GALNT18: variants seen among roughly 807,000 people sequenced by gnomAD.
GALNT18 encodes GalNAc-transferase 18.
A neutral mutation model predicts 69.5 loss-of-function variants in GALNT18; 44 were observed. The observed-to-expected ratio is 0.63, with a 90% CI of 0.50 to 0.81. GALNT18 has a LOEUF of 0.81. GALNT18 is among the 40% of genes least tolerant of loss of function. The pLI is 0.00. For missense variants in GALNT18, 715 were observed against 810.0 expected (o/e 0.88, Z 1.42); for synonymous variants, 364 against 318.2 (o/e 1.14, Z -1.53).
chr11:11,447,378 T>C (rs1026130967), intron 2 of GALNT18, among the ~76,000 whole-genome samples: 1 of 152,216 alleles, frequency 6.6e-6, no homozygotes, highest in African/African-American at 2.4e-5. Context: ...TATTTCTCCA[T>C]AGCACTCACC....
chr11:11,451,556 G>C (rs1389618099), intron 1 of GALNT18, among the ~76,000 whole-genome samples: 1 of 152,170 alleles, frequency 6.6e-6, no homozygotes, highest in Non-Finnish European at 1.5e-5. Flanking sequence ...CCTACAGCAG[G>C]AAAGGTGTAA....
At chr11:11,379,391 T>A in intron 3 of GALNT18, 127 bp from the exon 4 acceptor site, 1 of 848,464 alleles carries the variant, frequency 1.2e-6, no homozygotes, top group South Asian at 1.7e-5. Context: ...CCTCCCTGGG[T>A]CTTCTTCAGT....
chr11:11,580,419 T>C (rs1859048647), intron 1 of GALNT18, among the ~76,000 whole-genome samples: 1 of 152,198 alleles, frequency 6.6e-6, no homozygotes, highest in South Asian at 2.1e-4. Flanking sequence ...AGGCTTCTCA[T>C]GTTTCCCGGC....
chr11:11,352,129 G>C (rs1421510118), intron 6 of GALNT18: 2 of 1,613,558 alleles, frequency 1.2e-6, no homozygotes, highest in Admixed American at 1.7e-5. Context: ...ATTCGAGCCT[G>C]GTCCTTCACA....
intron 9 of GALNT18, among the ~76,000 whole-genome samples, chr11:11,297,480 G>A (rs1309276651): frequency 1.3e-5 from 2 of 152,164 alleles, no homozygotes. Flanking sequence ...AGAGCCATAT[G>A]TGCGACCACT....
intron 1 of GALNT18, among the ~76,000 whole-genome samples, chr11:11,514,081 G>C (rs1481500032): frequency 6.6e-6 from 1 of 152,182 alleles, no homozygotes; most frequent in African/African-American, 2.4e-5. Context: ...ACAGAGAAGG[G>C]GGCTTTCTAA....
intron 3 of GALNT18, among the ~76,000 whole-genome samples, chr11:11,417,606 G>C (rs10831610): frequency 0.28 from 42,510 of 152,126 alleles, 7,155 homozygotes; most frequent in East Asian, 0.66. Context: ...TGGAGACAGT[G>C]CTGGCTGCCC....
intron 1 of GALNT18, among the ~76,000 whole-genome samples, chr11:11,495,121 A>C (rs771170370): frequency 6.6e-6 from 1 of 152,174 alleles, no homozygotes; most frequent in Non-Finnish European, 1.5e-5. Context: ...ATTTGAAATC[A>C]GGCCAGCATT....
Position 11,582,299 on chromosome 11 carries a change from C to T in GALNT18, c.235+39060G>A, listed in dbSNP as rs1859105666. Reference sequence around the variant, plus strand: ...AGTGGAGGGAGAAAAGGGCAGGGAGCTGGGCATGGCCAGGAGGCAAAGGGC... The same window carrying T: ...AGTGGAGGGAGAAAAGGGCAGGGAGTTGGGCATGGCCAGGAGGCAAAGGGC... On this transcript the variant is annotated intron_variant, in intron 1 of 10. Coordinates refer to ENST00000227756, the MANE Select transcript of GALNT18 (RefSeq NM_198516.3). This position sits in a 1 kb window ranked among gnomAD's most constrained non-coding sequence, Gnocchi z 5.0. Among the ~76,000 whole-genome samples the T allele has an allele frequency of 1.3e-5, 2 of 152,186 alleles. No homozygotes were observed. The highest frequency in any genetic ancestry group is 2.1e-4 in the South Asian group (1 of 4,826).
At chr11:11,330,736 G>T (rs1850003760) in intron 8 of GALNT18, among the ~76,000 whole-genome samples, 1 of 152,238 alleles carries the variant, frequency 6.6e-6, no homozygotes, top group South Asian at 2.1e-4. Context: ...GGATGGCATG[G>T]AGGGCCTACA....
chr11:11,509,960 CTCTGAGAAGCCT>C (rs1414820806), intron 1 of GALNT18, among the ~76,000 whole-genome samples: 1 of 152,176 alleles, frequency 6.6e-6, no homozygotes, highest in Non-Finnish European at 1.5e-5. Flanking sequence ...TGGTCACATC[CTCTGAGAAGCCT>C]TCTGAGGGCA....
chr11:11,527,077 T>C (rs1239740612), intron 1 of GALNT18, among the ~76,000 whole-genome samples: 1 of 152,112 alleles, frequency 6.6e-6, no homozygotes, highest in Non-Finnish European at 1.5e-5. Context: ...GCCAATGACC[T>C]TGGCATTCCT....
rs1850144633 is a variant in GALNT18 at position 11,338,115 on chromosome 11, G to A, written c.1278+2704C>T. Among the ~76,000 whole-genome samples, 1 of 151,988 alleles carries A rather than the reference G, an allele frequency of 6.6e-6. No individual in the cohort carries two copies. The highest frequency in any genetic ancestry group is 1.5e-5 in the Non-Finnish European group (1 of 67,968). On this transcript the variant is annotated intron_variant, in intron 7 of 10. Coordinates refer to ENST00000227756, the MANE Select transcript of GALNT18 (RefSeq NM_198516.3). This position sits in a 1 kb window ranked among gnomAD's most constrained non-coding sequence, Gnocchi z 5.3. ...CCTGAGTAGCTGGGATTACAGGCATGTGCCACCAAGCCTGGCTAATTTTTG... is the reference window on the plus strand; with the variant it reads ...CCTGAGTAGCTGGGATTACAGGCATATGCCACCAAGCCTGGCTAATTTTTG...
In GALNT18 at chr11:11,617,989, C is replaced by T. The variant is rs147672244; in HGVS notation, c.235+3370G>A. Reference sequence around the variant, plus strand: ...AACGTCTATTTGGTCAAAAAACTTCCCAAAACTGCAATTTACATTCCCAAG... The same window carrying T: ...AACGTCTATTTGGTCAAAAAACTTCTCAAAACTGCAATTTACATTCCCAAG... On this transcript the variant is annotated intron_variant, in intron 1 of 10. Transcript: ENST00000227756. This position sits in a 1 kb window ranked among gnomAD's most constrained non-coding sequence, Gnocchi z 4.7. Among the ~76,000 whole-genome samples, 214 of 152,290 alleles carry T rather than the reference C, an allele frequency of 1.4e-3. 1 individual carries two copies. Among genetic ancestry groups the T allele is most frequent in the African/African-American group, 5.0e-3 (209 of 41,560 alleles).
At chr11:11,491,893 G>A (rs1856778122) in intron 1 of GALNT18, among the ~76,000 whole-genome samples, 2 of 152,084 alleles carry the variant, frequency 1.3e-5, no homozygotes, top group Non-Finnish European at 2.9e-5. Context: ...AGAGCCCAAG[G>A]AACAAAGAAA....
At chr11:11,482,690 A>G (rs1394056680) in intron 1 of GALNT18, among the ~76,000 whole-genome samples, 1 of 152,234 alleles carries the variant, frequency 6.6e-6, no homozygotes, top group Non-Finnish European at 1.5e-5. Context: ...TGTTAAGAAG[A>G]AGAAAAAAGC....
At chr11:11,317,521 C>G (rs1849776487) in intron 9 of GALNT18, among the ~76,000 whole-genome samples, 1 of 152,144 alleles carries the variant, frequency 6.6e-6, no homozygotes, top group African/African-American at 2.4e-5. Flanking sequence ...TGTTTGTTGG[C>G]TGCTTGTATG....
intron 1 of GALNT18, among the ~76,000 whole-genome samples, chr11:11,550,136 C>A (rs1315428794): frequency 6.6e-6 from 1 of 152,230 alleles, no homozygotes; most frequent in Non-Finnish European, 1.5e-5. Flanking sequence ...AGGCAAGACA[C>A]AGGGGCAGGG....
chr11:11,385,566 A>T (rs1268129723), intron 3 of GALNT18, among the ~76,000 whole-genome samples: 1 of 152,118 alleles, frequency 6.6e-6, no homozygotes, highest in Non-Finnish European at 1.5e-5. Context: ...AAGTGCTGGG[A>T]TTACAGGTGT....
Sources: allele counts gnomAD v4.1 joint callset (sites outside exome capture counted in the v4.1 genomes callset), GRCh38; gene constraint gnomAD v4.1.1; non-coding constraint Gnocchi (gnomAD v3.1); transcripts MANE v1.5; gene names NCBI Gene and HGNC (gene_info 2026-07-23, HGNC 2026-07-21).